The following ZNF804B variants were observed in gnomAD, a reference collection of about 807,000 sequenced individuals.
ZNF804B encodes zinc finger protein 804B.
A neutral mutation model predicts 101.4 loss-of-function variants in ZNF804B; 80 were observed. The observed-to-expected ratio is 0.79, with a 90% CI of 0.66 to 0.95. The LOEUF is 0.95. ZNF804B is among the 40% of genes least tolerant of loss of function. The pLI, the probability that ZNF804B is intolerant of heterozygous loss-of-function variation, is 0.00. For missense variants in ZNF804B, 1,673 were observed against 1,561.9 expected (o/e 1.07, Z -1.20); for synonymous variants, 622 against 558.8 (o/e 1.11, Z -1.59).
At chr7:89,156,256 G>A (rs1309033645) in intron 1 of ZNF804B, among the ~76,000 whole-genome samples, 1 of 151,972 alleles carries the variant, frequency 6.6e-6, no homozygotes, top group Non-Finnish European at 1.5e-5. Context: ...TGGGATTACA[G>A]CCATGAGCCA....
intron 1 of ZNF804B, among the ~76,000 whole-genome samples, chr7:89,189,146 T>A (rs1788418072): frequency 6.6e-6 from 1 of 152,182 alleles, no homozygotes; most frequent in Non-Finnish European, 1.5e-5. Flanking sequence ...TTGATAATTA[T>A]GCTAAATCTA....
At chr7:88,974,765 C>T (rs1186890674) in intron 1 of ZNF804B, among the ~76,000 whole-genome samples, 1 of 151,304 alleles carries the variant, frequency 6.6e-6, no homozygotes, top group African/African-American at 2.4e-5. Context: ...TATCCATCAC[C>T]TCAAATATTT....
chr7:89,023,907 A>G (rs536117710), intron 1 of ZNF804B, among the ~76,000 whole-genome samples: 2 of 152,164 alleles, frequency 1.3e-5, no homozygotes, highest in African/African-American at 4.8e-5. Flanking sequence ...TTTTAAACTG[A>G]TAATAAATTA....
chr7:88,884,709 C>G (rs1231107632), intron 1 of ZNF804B, among the ~76,000 whole-genome samples: 1 of 151,600 alleles, frequency 6.6e-6, no homozygotes, highest in African/African-American at 2.4e-5. Flanking sequence ...TATCATTTAC[C>G]TAGTAAATTG....
intron 1 of ZNF804B, among the ~76,000 whole-genome samples, chr7:89,035,801 C>T (rs1368238312): frequency 6.7e-6 from 1 of 149,680 alleles, no homozygotes; most frequent in Non-Finnish European, 1.5e-5. Flanking sequence ...TTTGTTAGTA[C>T]ATTGGACCCG....
Position 88,962,581 on chromosome 7 carries a change from G to T in ZNF804B, c.108+202497G>T, listed in dbSNP as rs116145197. On this transcript the variant is annotated intron_variant, in intron 1 of 3. Coordinates refer to ENST00000333190, the MANE Select transcript of ZNF804B (RefSeq NM_181646.5). ...TTAGGAAGTATACCTAAGAATTGGG[G>T]TCTAAGAATATATAAACCATGTTTT... Among the ~76,000 whole-genome samples, 1,252 of 150,424 alleles carry T rather than the reference G, an allele frequency of 8.3e-3. 17 individuals are homozygous for T. Among genetic ancestry groups the T allele is most frequent in the African/African-American group, 0.029 (1,194 of 41,158 alleles).
intron 1 of ZNF804B, among the ~76,000 whole-genome samples, chr7:88,987,552 G>T (rs761660179): frequency 2.8e-4 from 43 of 151,944 alleles, no homozygotes; most frequent in Non-Finnish European, 3.1e-4. Flanking sequence ...TTAAGTATAG[G>T]CAGGGCAAGA....
In ZNF804B at chr7:88,974,366, T is replaced by C. The variant is rs558872677; in HGVS notation, c.108+214282T>C. Reference sequence around the variant, plus strand: ...GTATTATTGAAAGATGTTAAGAAAGTGGATGTAAAGCATTCTTACAACATA... The same window carrying C: ...GTATTATTGAAAGATGTTAAGAAAGCGGATGTAAAGCATTCTTACAACATA... On this transcript the variant is annotated intron_variant, in intron 1 of 3. Coordinates refer to ENST00000333190, the MANE Select transcript of ZNF804B (RefSeq NM_181646.5). Among the ~76,000 whole-genome samples the C allele has an allele frequency of 8.3e-4, 126 of 151,404 alleles. 2 individuals are homozygous for C. The highest frequency in any genetic ancestry group is 3.0e-3 in the African/African-American group (124 of 41,458).
chr7:89,162,599 T>TA (rs982539768), intron 1 of ZNF804B, among the ~76,000 whole-genome samples: 8 of 151,514 alleles, frequency 5.3e-5, no homozygotes, highest in African/African-American at 1.7e-4. Context: ...GGTTGAACTT[T>TA]TTTTTTTTAA....
chr7:89,163,879 CT>C (rs1791104027), intron 1 of ZNF804B, among the ~76,000 whole-genome samples: 1 of 151,688 alleles, frequency 6.6e-6, no homozygotes, highest in African/African-American at 2.4e-5. Context: ...TTTCCTTCCC[CT>C]TTTCATTTTT....
chr7:88,794,188 C>T lies in ZNF804B; in HGVS notation c.108+34104C>T, dbSNP rs185826530. 3.8e-4 allele frequency: 607 copies of T among 1,602,660 alleles called. 1 individual carries two copies. The highest frequency in any genetic ancestry group is 3.3e-4 in the Middle Eastern group (2 of 6,018). ...ACATTATCCCTCTCAATCCTAGAAACGTGAAGGAGCAGGCCATACCACCTC... is the reference window on the plus strand; with the variant it reads ...ACATTATCCCTCTCAATCCTAGAAATGTGAAGGAGCAGGCCATACCACCTC... On this transcript the variant is annotated intron_variant, in intron 1 of 3. Coordinates refer to ENST00000333190, the MANE Select transcript of ZNF804B (RefSeq NM_181646.5).
intron 1 of ZNF804B, among the ~76,000 whole-genome samples, chr7:88,843,974 A>C (rs1791329452): frequency 1.3e-5 from 2 of 152,246 alleles, no homozygotes; most frequent in South Asian, 4.1e-4. Flanking sequence ...AAAGATTAAA[A>C]AATCTTGTTT....
chr7:89,023,576 A>AG (rs1788702339), intron 1 of ZNF804B, among the ~76,000 whole-genome samples: 2 of 152,242 alleles, frequency 1.3e-5, no homozygotes, highest in Non-Finnish European at 2.9e-5. Context: ...ACTAGAGTTT[A>AG]TTTATTTTTT....
At chr7:88,865,035 C>T (rs536929076) in intron 1 of ZNF804B, among the ~76,000 whole-genome samples, 2 of 151,822 alleles carry the variant, frequency 1.3e-5, no homozygotes, top group African/African-American at 4.8e-5. Flanking sequence ...TCAAGGCCAC[C>T]CAGACTAACA....
intron 1 of ZNF804B, among the ~76,000 whole-genome samples, chr7:88,932,515 A>G (rs964868871): frequency 6.5e-4 from 99 of 152,082 alleles, no homozygotes; most frequent in Admixed American, 1.4e-3. Context: ...TTAACCAAGA[A>G]AAGAAGACAG....
chr7:88,769,087 T>C (rs960795916), intron 1 of ZNF804B, among the ~76,000 whole-genome samples: 7 of 152,202 alleles, frequency 4.6e-5, no homozygotes, highest in African/African-American at 1.4e-4. Flanking sequence ...TATATACACC[T>C]GATGTTGTAG....
chr7:89,298,330 G>T (rs1418514949), intron 2 of ZNF804B, among the ~76,000 whole-genome samples: 1 of 141,156 alleles, frequency 7.1e-6, no homozygotes, highest in Non-Finnish European at 1.5e-5. Flanking sequence ...ATGGTGGTTT[G>T]CTGCACCCAT....
chr7:89,081,541 A>G (rs991836591), intron 1 of ZNF804B, among the ~76,000 whole-genome samples: 1 of 151,840 alleles, frequency 6.6e-6, no homozygotes, highest in Non-Finnish European at 1.5e-5. Context: ...TGGCACATAT[A>G]ACTCAATCAC....
chr7:88,783,741 T>G (rs1790261788), intron 1 of ZNF804B, among the ~76,000 whole-genome samples: 3 of 152,122 alleles, frequency 2.0e-5, no homozygotes, highest in Admixed American at 2.0e-4. Flanking sequence ...AAAAACATGA[T>G]ACGTTAGTTT....
Sources: allele counts gnomAD v4.1 joint callset (sites outside exome capture counted in the v4.1 genomes callset), GRCh38; gene constraint gnomAD v4.1.1; transcripts MANE v1.5; gene names NCBI Gene and HGNC (gene_info 2026-07-23, HGNC 2026-07-21).